TNS3: variants seen among roughly 807,000 people sequenced by gnomAD.
The protein encoded by TNS3 is tensin 3, also known as tensin-3.
A neutral mutation model predicts 140.9 loss-of-function variants in TNS3; 45 were observed. The ratio of observed to expected loss-of-function variants is 0.32; its 90% confidence interval spans 0.25 to 0.41. The LOEUF is 0.41. TNS3 is among the 10% of genes least tolerant of loss of function. TNS3 has a pLI of 1.00. For synonymous variants in TNS3, 815 were observed against 788.4 expected, an observed-to-expected ratio of 1.03 and a Z score of -0.56; for missense variants, 1,716 against 1,906.7, an observed-to-expected ratio of 0.90 and a Z score of 1.86.
At position 47,293,815 on chromosome 7, in the gene TNS3, G is replaced by C; in HGVS notation, c.3690C>G (p.Ala1230=). 1 of 1,614,174 alleles carries C rather than the reference G, an allele frequency of 6.2e-7. No individual in the cohort carries two copies. Among genetic ancestry groups the C allele is most frequent in the African/African-American group, 1.3e-5 (1 of 75,040 alleles). The part of the protein sequence containing the change: ...LQLNKKAGDL[A]NELVRHFLIE... The stretch of plus-strand genomic sequence containing the variant: ...TCAAAAAGTGCCGGACGAGTTCATT[G>C]GCCAAATCTCCAGCTGTGGCAAGAA... Residue 1230 remains alanine (A), a synonymous_variant, in exon 25 of 31, where the codon GCC becomes GCG. Coordinates refer to ENST00000311160, the MANE Select transcript of TNS3 (RefSeq NM_022748.12).
chr7:47,478,661 A>C (rs1046735698), intron 4 of TNS3, among the ~76,000 whole-genome samples: 10 of 152,156 alleles, frequency 6.6e-5, no homozygotes, highest in African/African-American at 2.4e-4. Context: ...TACATAACAT[A>C]TATACACTCA....
intron 20 of TNS3, among the ~76,000 whole-genome samples, chr7:47,319,379 G>T (rs972601266): frequency 6.6e-6 from 1 of 151,336 alleles, no homozygotes; most frequent in Non-Finnish European, 1.5e-5. Context: ...AGAGGAAGGC[G>T]AGAGAGAGAG....
At chr7:47,334,259 G>C (rs1046063450) in intron 20 of TNS3, among the ~76,000 whole-genome samples, 1 of 152,152 alleles carries the variant, frequency 6.6e-6, no homozygotes, top group Non-Finnish European at 1.5e-5. Flanking sequence ...CTGCATGCTT[G>C]GAAGCCAGGC....
intron 13 of TNS3, among the ~76,000 whole-genome samples, chr7:47,405,341 C>T (rs1470427385): frequency 2.6e-5 from 4 of 152,194 alleles, no homozygotes. Context: ...AACATTCTCA[C>T]TCAATGCTCC....
chr7:47,393,177 A>G (rs1792628485), intron 16 of TNS3, among the ~76,000 whole-genome samples: 1 of 152,210 alleles, frequency 6.6e-6, no homozygotes, highest in Non-Finnish European at 1.5e-5. Flanking sequence ...AAATACACCA[A>G]TGACGAGTGC....
At chr7:47,510,860 TAAAAAAAA>T (rs34323744) in intron 2 of TNS3, among the ~76,000 whole-genome samples, 3 of 128,322 alleles carry the variant, frequency 2.3e-5, no homozygotes, top group African/African-American at 8.7e-5. Context: ...AGACTGTCTT[TAAAAAAAA>T]AAAAAAAAAA....
chr7:47,445,631 C>T (rs961692270), intron 4 of TNS3, among the ~76,000 whole-genome samples: 20 of 152,246 alleles, frequency 1.3e-4, no homozygotes, highest in African/African-American at 3.9e-4. Flanking sequence ...TCCAAGTCAG[C>T]GTCTGAGATC....
intron 1 of TNS3, chr7:47,579,292 C>A (rs1335063361): frequency 3.5e-5 from 2 of 56,864 alleles, no homozygotes; most frequent in African/African-American, 1.2e-4. Context: ...TTTCTGGGGT[C>A]CTACAGGAAG....
rs774895608 is a variant in TNS3, at chr7:47,400,873, G to A, written c.765C>T (p.Asp255=). ...TGTGAAACTGCAGGCGGAAAATGAC[G>A]TCACGGGTGGCCGAGCGGTATTTCT... ...YHKKYRSATR[D]VIFRLQFHTG... Residue 255 remains aspartate (D), a synonymous_variant, in exon 14 of 31, where the codon GAC becomes GAT. Coordinates refer to ENST00000311160, the MANE Select transcript of TNS3 (RefSeq NM_022748.12). 1.3e-5 allele frequency: 21 copies of A among 1,614,248 alleles called. No homozygotes were observed. The highest frequency in any genetic ancestry group is 1.6e-4 in the Middle Eastern group (1 of 6,062).
At position 47,350,792 on chromosome 7, in the gene TNS3, G is replaced by A. The variant is rs539731195; in HGVS notation, c.2282-4436C>T. Among the ~76,000 whole-genome samples, 5 of 152,324 alleles carry A rather than the reference G, an allele frequency of 3.3e-5. No homozygotes were observed. In the East Asian group the frequency reaches 9.6e-4, roughly 29 times the overall value. On this transcript the variant is annotated intron_variant, in intron 17 of 30. Transcript: ENST00000311160. The stretch of plus-strand genomic sequence containing the variant: ...GCTGGGGCTTGGCACACAGTTGCAG[G>A]CAGTAAGTGTTATAATGGGCCACAC...
chr7:47,512,088 C>T (rs1373077269), intron 2 of TNS3, among the ~76,000 whole-genome samples: 1 of 152,248 alleles, frequency 6.6e-6, no homozygotes, highest in Non-Finnish European at 1.5e-5. Context: ...CCCTGGGCGA[C>T]AGAGCAGGTT....
chr7:47,425,417 C>T (rs569576364), intron 9 of TNS3, among the ~76,000 whole-genome samples: 23 of 152,202 alleles, frequency 1.5e-4, no homozygotes, highest in African/African-American at 5.5e-4. Flanking sequence ...ATAAGCACTG[C>T]GGACTTCATA....
At chr7:47,393,914 T>C (rs1792676545) in intron 16 of TNS3, among the ~76,000 whole-genome samples, 2 of 152,106 alleles carry the variant, frequency 1.3e-5, no homozygotes, top group South Asian at 2.1e-4. Context: ...ATCTTTTGCA[T>C]GGCAATGCCA....
At chr7:47,490,602 A>T (rs1378961705) in intron 3 of TNS3, among the ~76,000 whole-genome samples, 1 of 152,216 alleles carries the variant, frequency 6.6e-6, no homozygotes, top group Non-Finnish European at 1.5e-5. Flanking sequence ...CTTCGCCTGG[A>T]GCATCCCATT....
At chr7:47,413,772 G>T (rs533089012) in intron 12 of TNS3, among the ~76,000 whole-genome samples, 165 bp downstream of exon 12, 1 of 151,884 alleles carries the variant, frequency 6.6e-6, no homozygotes, top group Non-Finnish European at 1.5e-5. Context: ...GCTGGAGCAC[G>T]GGCCACGAGA....
At position 47,304,971 on chromosome 7, in the gene TNS3, C is replaced by T. The variant is rs376502421; in HGVS notation, c.2683G>A (p.Ala895Thr). Reference protein sequence around the residue: ...PRSCPETLTHAVGMSESPIGP... With the variant: ...PRSCPETLTHTVGMSESPIGP... ...ATGGGGCTCTCTGACATCCCCACAG[C>T]GTGAGTGAGCGTCTCAGGGCAGCTT... Residue 895 changes from alanine (A) to threonine (T), a missense_variant, in exon 21 of 31, where the codon GCT (alanine) becomes ACT (threonine). Around this residue, in one of 3 missense-constraint regions of TNS3, gnomAD observed 1,163 missense variants for 1,182.1 expected, o/e 0.98. Coordinates refer to ENST00000311160, the MANE Select transcript of TNS3 (RefSeq NM_022748.12). The T allele has an allele frequency of 1.5e-5, 21 of 1,396,660 alleles. No individual in the cohort carries two copies. The highest frequency in any genetic ancestry group is 9.1e-5 in the South Asian group (5 of 54,890). 86.5% of individuals were successfully genotyped at this position (1,396,660 alleles called of 1,614,324 possible). A position where few individuals can be genotyped will look rare whatever the true frequency, so the allele number is the denominator to read the frequency against.
At chr7:47,338,004 GT>G (rs555258970) in intron 20 of TNS3, among the ~76,000 whole-genome samples, 56 of 152,198 alleles carry the variant, frequency 3.7e-4, no homozygotes, top group Non-Finnish European at 3.5e-4. Context: ...TCAACCTAAT[GT>G]TCTAGAGACC....
At chr7:47,417,163 T>C (rs968520464) in intron 10 of TNS3, among the ~76,000 whole-genome samples, 3 of 152,222 alleles carry the variant, frequency 2.0e-5, no homozygotes, top group African/African-American at 7.2e-5. Context: ...CTCCTGTTCA[T>C]GGCAGCATAA....
At chr7:47,365,918 A>G (rs961141088) in intron 17 of TNS3, among the ~76,000 whole-genome samples, 4 of 152,176 alleles carry the variant, frequency 2.6e-5, no homozygotes, top group African/African-American at 4.8e-5. Context: ...AATTCAATCA[A>G]TTGGAAGACA....
Sources: allele counts gnomAD v4.1 joint callset (sites outside exome capture counted in the v4.1 genomes callset), GRCh38; gene constraint gnomAD v4.1.1; regional missense constraint gnomAD v4.1.1; transcripts MANE v1.5; gene names NCBI Gene and HGNC (gene_info 2026-07-23, HGNC 2026-07-21).